The following NUDT12 variants were observed in gnomAD, a reference collection of about 807,000 sequenced individuals.
NUDT12 encodes the protein nudix hydrolase 12, also known as NAD-capped RNA hydrolase NUDT12.
A neutral mutation model predicts 45.7 loss-of-function variants in NUDT12; 42 were observed. That is an observed-to-expected ratio of 0.92 (90% CI 0.72 to 1.19). The LOEUF (loss-of-function observed/expected upper bound fraction) is 1.19, where lower values mean the gene tolerates loss of function less well. Ranked by LOEUF, NUDT12 falls within the 50% of genes most tolerant of loss-of-function variation. NUDT12 has a pLI of 0.00. For missense variants in NUDT12, 590 were observed against 533.1 expected, an observed-to-expected ratio of 1.11 and a Z score of -1.05; for synonymous variants, 206 against 179.7, an observed-to-expected ratio of 1.15 and a Z score of -1.17.
intron 1 of NUDT12, among the ~76,000 whole-genome samples, chr5:103,561,889 C>G (rs1749044589): frequency 6.6e-6 from 1 of 152,182 alleles, no homozygotes; most frequent in South Asian, 2.1e-4. Context: ...TATGCATATG[C>G]TATTCTGTGG....
At chr5:103,559,672 G>A (rs1748968948) in intron 2 of NUDT12, 3 of 441,674 alleles carry the variant, frequency 6.8e-6, no homozygotes, top group Non-Finnish European at 1.2e-5. Flanking sequence ...AAGAGACAGT[G>A]GATACTTACA....
rs563333229 is a variant in NUDT12 at position 103,559,272 on chromosome 5, T to C, written c.403A>G (p.Asn135Asp). Residue 135 changes from asparagine (N) to aspartate (D), a missense_variant, in exon 3 of 7, where the codon AAT (asparagine) becomes GAT (aspartate). Physicochemically the swap from Asn to Asp is conservative, Grantham distance 23. Transcript: ENST00000230792. Reference protein sequence around the residue: ...LLDRKSEKRNNSDWLLAKESH... With the variant: ...LLDRKSEKRNDSDWLLAKESH... The stretch of plus-strand genomic sequence containing the variant: ...TCTTTAGCTAGCAGCCAGTCAGAAT[T>C]ATTTCTCTTTTCACTTTTCCGGTCC... The C allele has an allele frequency of 6.2e-7, 1 of 1,601,476 alleles. No individual in the cohort carries two copies. The highest frequency in any genetic ancestry group is 1.7e-5 in the Admixed American group (1 of 57,206).
In NUDT12 at chr5:103,549,988, T is replaced by C. The variant is rs1005720808; in HGVS notation, c.*873A>G. ...ATACATCACTCATCACAAAATGAAA[T>C]AAAGCCAATGTTTTAAATTAAATAT... On this transcript the variant is annotated 3_prime_UTR_variant, in exon 7 of 7. Coordinates refer to ENST00000230792, the MANE Select transcript of NUDT12 (RefSeq NM_031438.4). The C allele has an allele frequency of 1.3e-5, 2 of 152,172 alleles. No individual in the cohort carries two copies. The highest frequency in any genetic ancestry group is 4.8e-5 in the African/African-American group (2 of 41,458). 9.4% of individuals were successfully genotyped at this position (152,172 alleles called of 1,614,324 possible).
In NUDT12 at chr5:103,554,838, A is replaced by G. The variant is rs1229752066; in HGVS notation, c.980T>C (p.Met327Thr). 2 of 1,519,354 alleles carry G rather than the reference A, an allele frequency of 1.3e-6. No individual in the cohort carries two copies. The highest frequency in any genetic ancestry group is 4.8e-5 in the East Asian group (2 of 41,892). The allele number at this position is 1,519,354 out of a possible 1,614,324, so 94.1% of individuals were successfully genotyped here. A position where few individuals can be genotyped will look rare whatever the true frequency, so the allele number is the denominator to read the frequency against. The change falls in exon 5 of 7, where the codon ATG becomes ACG. Residue 327 changes from methionine to threonine, a missense_variant. Transcript: ENST00000230792. ...GGTCCCATCTGGATGAATAACTTGC[A>G]TGATTACTACTGGATCTGTTGAAAA... ...SYPRVDPVVI[M>T]QVIHPDGTKC... is the part of the protein sequence containing the mutation.
intron 5 of NUDT12, 42 bp from the exon 6 acceptor site, chr5:103,552,458 C>A (rs1214441817): frequency 2.0e-6 from 3 of 1,482,010 alleles, no homozygotes; most frequent in Non-Finnish European, 9.4e-7. Context: ...GATGAACATG[C>A]CCGGGACACT....
rs1043272577 is a variant in NUDT12 at position 103,551,201 on chromosome 5, G to C, written c.1279-230C>G. On this transcript the variant is annotated intron_variant, in intron 6 of 6. Coordinates refer to ENST00000230792, the MANE Select transcript of NUDT12 (RefSeq NM_031438.4). ...AGTGGTGGGATCATGGCTCATTGCA[G>C]CTTTGACTTCCTGGGCTCAGGCGAT... Among the ~76,000 whole-genome samples the C allele has an allele frequency of 2.0e-5, 3 of 151,574 alleles. No homozygotes were observed. In the East Asian group the frequency reaches 5.8e-4, roughly 29 times the overall value.
At chr5:103,555,355 C>A (rs955333326) in intron 4 of NUDT12, among the ~76,000 whole-genome samples, 1 of 152,032 alleles carries the variant, frequency 6.6e-6, no homozygotes, top group Non-Finnish European at 1.5e-5. Flanking sequence ...ATTCTTCTCA[C>A]TATATCATGA....
At position 103,550,446 on chromosome 5, in the gene NUDT12, A is replaced by T. The variant is rs1748618668; in HGVS notation, c.*415T>A. ...CTAACTCAAGCTAATACAAGCTAAA[A>T]ATTCATTAAAATTACTTTGATTCAT... On this transcript the variant is annotated 3_prime_UTR_variant, in exon 7 of 7. Transcript: ENST00000230792. The T allele has an allele frequency of 6.4e-6, 1 of 156,640 alleles. No individual in the cohort carries two copies. Among genetic ancestry groups the T allele is most frequent in the Non-Finnish European group, 1.4e-5 (1 of 70,666 alleles). The allele number at this position is 156,640 out of a possible 1,614,324, so 9.7% of individuals were successfully genotyped here. A position where few individuals can be genotyped will look rare whatever the true frequency, so the allele number is the denominator to read the frequency against.
At chr5:103,557,536 T>G (rs2112453419) in intron 3 of NUDT12, among the ~76,000 whole-genome samples, 1 of 151,798 alleles carries the variant, frequency 6.6e-6, no homozygotes, top group South Asian at 2.1e-4. Context: ...ACGTTTCTCT[T>G]GTCAAGTTCA....
chr5:103,550,608 G>C lies in NUDT12; in HGVS notation c.*253C>G. 3.4e-6 allele frequency: 1 copy of C among 295,102 alleles called. No homozygotes were observed. The highest frequency in any genetic ancestry group is 6.4e-6 in the Non-Finnish European group (1 of 156,476). 18.3% of individuals were successfully genotyped at this position (295,102 alleles called of 1,614,324 possible). On this transcript the variant is annotated 3_prime_UTR_variant, in exon 7 of 7. Coordinates refer to ENST00000230792, the MANE Select transcript of NUDT12 (RefSeq NM_031438.4). The stretch of plus-strand genomic sequence containing the variant: ...GGTTTTGTGAGATAAAACTGTGAAG[G>C]AAGAAAAGAAACCAAGAGAGAAAAA...
rs202091284 is a variant in NUDT12, at chr5:103,554,587, G to A, written c.1078+153C>T. 29 of 357,638 alleles carry A rather than the reference G, an allele frequency of 8.1e-5. No individual in the cohort carries two copies. In the East Asian group the frequency reaches 9.3e-4, roughly 11 times the overall value. The allele number at this position is 357,638 out of a possible 1,614,324, so 22.2% of individuals were successfully genotyped here. On this transcript the variant is annotated intron_variant, in intron 5 of 6. Coordinates refer to ENST00000230792, the MANE Select transcript of NUDT12 (RefSeq NM_031438.4). The stretch of plus-strand genomic sequence containing the variant: ...CTCATATAAAACATGAGAATTACAT[G>A]TTTATATTATTAAAATTGTATCATT...
In NUDT12 at chr5:103,552,325, C is replaced by A; in HGVS notation, c.1170G>T (p.Trp390Cys). The change falls in exon 6 of 7, where the codon TGG (tryptophan) becomes TGT (cysteine). Residue 390 changes from tryptophan (W) to cysteine (C), a missense_variant. Trp to Cys is a radical substitution (Grantham distance 215). Transcript: ENST00000230792. ...GHVQYVACQPWPMPSSLMIGC... is the reference protein window; with the variant it reads ...GHVQYVACQPCPMPSSLMIGC... Reference sequence around the variant, plus strand: ...CAATCATTAAGGAGGAAGGCATTGGCCATGGTTGACAAGCAACATACTGAA... The same window carrying A: ...CAATCATTAAGGAGGAAGGCATTGGACATGGTTGACAAGCAACATACTGAA... 1 of 1,613,866 alleles carries A rather than the reference C, an allele frequency of 6.2e-7. No homozygotes were observed. The highest frequency in any genetic ancestry group is 8.5e-7 in the Non-Finnish European group (1 of 1,179,812).
Position 103,554,852 on chromosome 5 carries a change from A to G in NUDT12, c.966T>C (p.Asp322=). 1 of 1,366,458 alleles carries G rather than the reference A, an allele frequency of 7.3e-7. No individual in the cohort carries two copies. The highest frequency in any genetic ancestry group is 9.9e-7 in the Non-Finnish European group (1 of 1,009,934). 84.6% of individuals were successfully genotyped at this position (1,366,458 alleles called of 1,614,324 possible). The change falls in exon 5 of 7, where the codon GAT becomes GAC. Residue 322 remains aspartate, a splice_region_variant and synonymous_variant. Transcript: ENST00000230792. ...GAATAACTTGCATGATTACTACTGG[A>G]TCTGTTGAAAAAAAAAATCAGATAC... ...GVHNTSYPRV[D]PVVIMQVIHP... is the part of the protein sequence containing the mutation.
chr5:103,556,111 G>C lies in NUDT12; in HGVS notation c.797-13C>G, dbSNP rs761270705. The C allele has an allele frequency of 1.0e-5, 16 of 1,529,712 alleles. No individual in the cohort carries two copies. The highest frequency in any genetic ancestry group is 1.3e-5 in the Non-Finnish European group (15 of 1,144,140). The allele number at this position is 1,529,712 out of a possible 1,614,324, so 94.8% of individuals were successfully genotyped here. ...TGAGCTACAACCCCTTCAAAAAAAA[G>C]AAAAGCACAAAAATTTTAATTCTGT... On this transcript the variant is annotated splice_polypyrimidine_tract_variant and intron_variant, in intron 3 of 6. Transcript: ENST00000230792.
At chr5:103,551,104 C>A in intron 6 of NUDT12, 133 bp from the exon 7 acceptor site, 4 of 642,688 alleles carry the variant, frequency 6.2e-6, no homozygotes, top group Non-Finnish European at 1.0e-5. Flanking sequence ...GTGACAACAT[C>A]CATATTTACA....
rs1018150520 is a variant in NUDT12, at chr5:103,548,858, A to G, written c.*2003T>C. 6.6e-6 allele frequency: 1 copy of G among 152,170 alleles called. No homozygotes were observed. Among genetic ancestry groups the G allele is most frequent in the Non-Finnish European group, 1.5e-5 (1 of 68,002 alleles). 9.4% of individuals were successfully genotyped at this position (152,170 alleles called of 1,614,324 possible). A position where few individuals can be genotyped will look rare whatever the true frequency, so the allele number is the denominator to read the frequency against. ...TAAACACACACACAAAACAAAATAG[A>G]TTTTAAAAATTTAATGTATTATTAC... On this transcript the variant is annotated 3_prime_UTR_variant, in exon 7 of 7. Coordinates refer to ENST00000230792, the MANE Select transcript of NUDT12 (RefSeq NM_031438.4).
chr5:103,554,256 C>A (rs897049361), intron 5 of NUDT12, among the ~76,000 whole-genome samples: 1 of 151,980 alleles, frequency 6.6e-6, no homozygotes, highest in Non-Finnish European at 1.5e-5. Context: ...AACTTATATT[C>A]TTGAAACATA....
intron 3 of NUDT12, among the ~76,000 whole-genome samples, chr5:103,556,726 GGTA>G (rs1353518635): frequency 5.3e-5 from 8 of 151,898 alleles, no homozygotes; most frequent in African/African-American, 1.7e-4. Flanking sequence ...GTTTTACTCT[GGTA>G]GTTCAAAAAA....
chr5:103,552,643 G>A (rs1748694251), intron 5 of NUDT12, among the ~76,000 whole-genome samples: 1 of 151,918 alleles, frequency 6.6e-6, no homozygotes, highest in South Asian at 2.1e-4. Flanking sequence ...TTTTTTTAAG[G>A]TACAAATTTG....
Sources: gnomAD v4.1 joint callset for allele counts (sites outside exome capture counted in the v4.1 genomes callset) on GRCh38, gnomAD v4.1.1 for gene constraint, MANE v1.5 for transcripts, NCBI Gene and HGNC (gene_info 2026-07-23, HGNC 2026-07-21) for gene names.